Variants in GLYATL2 observed in about 807,000 individuals in gnomAD.
GLYATL2 encodes the protein glycine-N-acyltransferase like 2, also known as glycine N-acyltransferase-like protein 2.
A neutral mutation model predicts 21.4 loss-of-function variants in GLYATL2; 25 were observed. The observed-to-expected ratio is 1.17, with a 90% CI of 0.85 to 1.63. The LOEUF (loss-of-function observed/expected upper bound fraction) is 1.63, where lower values mean the gene tolerates loss of function less well. Ranked by LOEUF, GLYATL2 falls within the 40% of genes most tolerant of loss-of-function variation. The pLI is 0.00. For synonymous variants in GLYATL2, 114 were observed against 118.2 expected, an observed-to-expected ratio of 0.96 and a Z score of 0.23; for missense variants, 361 against 343.3, an observed-to-expected ratio of 1.05 and a Z score of -0.41.
chr11:58,884,098 G>A (rs530468512), intron 1 of GLYATL2, among the ~76,000 whole-genome samples: 4 of 151,976 alleles, frequency 2.6e-5, no homozygotes, highest in Admixed American at 2.0e-4. Flanking sequence ...ACAAACCCAC[G>A]GCCACTATCA....
At chr11:58,888,637 T>C (rs1025852530) in intron 1 of GLYATL2, among the ~76,000 whole-genome samples, 1 of 151,940 alleles carries the variant, frequency 6.6e-6, no homozygotes, top group Admixed American at 6.6e-5. Context: ...TATTTCTGTA[T>C]TTGTTTCTAG....
At chr11:58,898,696 G>A (rs6591498) in intron 1 of GLYATL2, among the ~76,000 whole-genome samples, 143,003 of 151,800 alleles carry the variant, frequency 0.94, 67,975 homozygotes, top group East Asian at 1. Flanking sequence ...TTAGCCGGGC[G>A]TTGTGGGATG....
At chr11:58,873,089 C>G (rs1168984269) in intron 1 of GLYATL2, among the ~76,000 whole-genome samples, 1 of 151,266 alleles carries the variant, frequency 6.6e-6, no homozygotes. Flanking sequence ...CTCCGTTTGT[C>G]TGTTATTGGT....
intron 1 of GLYATL2, among the ~76,000 whole-genome samples, chr11:58,897,260 G>A (rs1033295785): frequency 6.6e-6 from 1 of 152,142 alleles, no homozygotes; most frequent in African/African-American, 2.4e-5. Context: ...CACCCTGAAG[G>A]AGCTCCCATT....
rs377394291 is a variant in GLYATL2 at position 58,901,899 on chromosome 11, T to C, written n.60+2257A>G. Among the ~76,000 whole-genome samples the C allele has an allele frequency of 3.2e-4, 49 of 152,300 alleles. 1 individual carries two copies. Among genetic ancestry groups the C allele is most frequent in the African/African-American group, 1.0e-3 (42 of 41,568 alleles). On this transcript the variant is annotated intron_variant and non_coding_transcript_variant, in intron 1 of 4. Coordinates refer to the GLYATL2 transcript ENST00000533636. ...GAGTACCACTGTATGAGGATGGAAG[T>C]GAAGTCACCCAGCCACATGTTGGTC...
chr11:58,842,984 ATT>A (rs1853580303), intron 1 of GLYATL2, among the ~76,000 whole-genome samples: 1 of 152,094 alleles, frequency 6.6e-6, no homozygotes, highest in Non-Finnish European at 1.5e-5. Context: ...TGGGTTCTTT[ATT>A]TATAAGTTTG....
At chr11:58,836,666 T>C (rs527932808) in intron 5 of GLYATL2, among the ~76,000 whole-genome samples, 113 of 152,302 alleles carry the variant, frequency 7.4e-4, no homozygotes, top group African/African-American at 2.7e-3. Flanking sequence ...GGAACCCAAG[T>C]GGACAGATTT....
intron 1 of GLYATL2, among the ~76,000 whole-genome samples, chr11:58,902,560 T>C (rs1854758181): frequency 6.6e-6 from 1 of 152,026 alleles, no homozygotes; most frequent in African/African-American, 2.4e-5. Context: ...CTTTTAGGGG[T>C]TCATGAAGGA....
chr11:58,838,419 A>G (rs1853481556), intron 2 of GLYATL2, 51 bp from the exon 3 acceptor site: 2 of 1,130,340 alleles, frequency 1.8e-6, no homozygotes, highest in South Asian at 2.6e-5. Flanking sequence ...TCTCCAATAT[A>G]GAGTCTTATA....
At chr11:58,882,340 T>C (rs986802904) in intron 1 of GLYATL2, among the ~76,000 whole-genome samples, 1 of 152,184 alleles carries the variant, frequency 6.6e-6, no homozygotes. Context: ...AGTGATGATG[T>C]GCATTTTTTC....
At chr11:58,854,868 A>T (rs1231792900) in intron 1 of GLYATL2, among the ~76,000 whole-genome samples, 2 of 152,204 alleles carry the variant, frequency 1.3e-5, no homozygotes, top group Non-Finnish European at 2.9e-5. Context: ...CTATTTTAAG[A>T]GGTCACTTTC....
chr11:58,863,315 G>A (rs1348972303), intron 1 of GLYATL2, among the ~76,000 whole-genome samples: 1 of 152,192 alleles, frequency 6.6e-6, no homozygotes, highest in East Asian at 1.9e-4. Flanking sequence ...CTACTGGGAT[G>A]AGCCTGGAAT....
intron 2 of GLYATL2, among the ~76,000 whole-genome samples, chr11:58,839,263 G>T (rs1403379560): frequency 6.6e-6 from 1 of 152,144 alleles, no homozygotes; most frequent in Non-Finnish European, 1.5e-5. Flanking sequence ...TAACTAGGCT[G>T]TTAAGATTGG....
intron 1 of GLYATL2, among the ~76,000 whole-genome samples, chr11:58,903,033 T>C (rs913620868): frequency 2.6e-5 from 4 of 152,146 alleles, no homozygotes; most frequent in African/African-American, 9.7e-5. Flanking sequence ...TCTGTGAGGG[T>C]CACTTTTATA....
chr11:58,868,362 A>G (rs946628872), intron 1 of GLYATL2, among the ~76,000 whole-genome samples: 6 of 148,758 alleles, frequency 4.0e-5, no homozygotes, highest in African/African-American at 1.5e-4. Context: ...CCATCCAGAC[A>G]ATGGGACACC....
intron 1 of GLYATL2, among the ~76,000 whole-genome samples, chr11:58,899,585 G>A (rs190220742): frequency 1.9e-3 from 296 of 152,094 alleles, no homozygotes; most frequent in African/African-American, 6.7e-3. Context: ...GGGTTAGGAC[G>A]GGCCTCCACA....
chr11:58,841,552 C>T (rs1035789812), intron 1 of GLYATL2, among the ~76,000 whole-genome samples: 1 of 152,098 alleles, frequency 6.6e-6, no homozygotes, highest in Non-Finnish European at 1.5e-5. Flanking sequence ...ACCATTCCAC[C>T]GGACAGAAAC....
chr11:58,875,189 A>T (rs4939234), intron 1 of GLYATL2, among the ~76,000 whole-genome samples: 132,846 of 151,998 alleles, frequency 0.87, 59,216 homozygotes, highest in Non-Finnish European at 0.96. Context: ...GTGTCTCTGC[A>T]CGTGAGATGG....
At position 58,839,668 on chromosome 11, in the gene GLYATL2, CA is replaced by C; in HGVS notation, c.-40-17del. 1 of 1,267,028 alleles carries C rather than the reference CA, an allele frequency of 7.9e-7. No individual in the cohort carries two copies. Among genetic ancestry groups the C allele is most frequent in the Non-Finnish European group, 1.1e-6 (1 of 887,036 alleles). 78.5% of individuals were successfully genotyped at this position (1,267,028 alleles called of 1,614,324 possible). ...AGAAGATGATCTAAGGAAATAAACA[CA>C]AAAACAAAAATACCTAGAGAGATAT... On this transcript the variant is annotated splice_polypyrimidine_tract_variant and intron_variant, in intron 1 of 5. Transcript: ENST00000287275.
Sources: gnomAD v4.1 joint callset for allele counts (sites outside exome capture counted in the v4.1 genomes callset) on GRCh38, gnomAD v4.1.1 for gene constraint, MANE v1.5 for transcripts, NCBI Gene and HGNC (gene_info 2026-07-23, HGNC 2026-07-21) for gene names.